The following NRDC variants were observed in gnomAD, a reference collection of about 807,000 sequenced individuals.
NRDC encodes the protein nardilysin convertase.
A neutral mutation model predicts 147.1 loss-of-function variants in NRDC; 54 were observed. The observed-to-expected ratio is 0.37, with a 90% CI of 0.29 to 0.46. The LOEUF (loss-of-function observed/expected upper bound fraction) is 0.46, where lower values mean the gene tolerates loss of function less well. NRDC is among the 20% of genes least tolerant of loss of function. The pLI is 1.00. For synonymous variants in NRDC, 440 were observed against 482.1 expected, an observed-to-expected ratio of 0.91 and a Z score of 1.14; for missense variants, 1,082 against 1,370.6, an observed-to-expected ratio of 0.79 and a Z score of 3.33.
At chr1:51,865,959 T>C (rs1029837494) in intron 1 of NRDC, among the ~76,000 whole-genome samples, 3 of 150,586 alleles carry the variant, frequency 2.0e-5, no homozygotes, top group African/African-American at 7.3e-5. Context: ...CTCAGGAGGC[T>C]GAGGCAGAAG....
chr1:51,868,672 G>C (rs1682937519), intron 1 of NRDC, among the ~76,000 whole-genome samples: 1 of 152,066 alleles, frequency 6.6e-6, no homozygotes. Context: ...CTAGGATCCA[G>C]GAATTCGAGA....
Position 51,805,580 on chromosome 1 carries a change from T to A in NRDC, c.2111-19A>T, listed in dbSNP as rs757341934. 6.5e-7 allele frequency: 1 copy of A among 1,536,156 alleles called. No individual in the cohort carries two copies. The highest frequency in any genetic ancestry group is 8.8e-7 in the Non-Finnish European group (1 of 1,136,582). On this transcript the variant is annotated intron_variant, in intron 18 of 30. Transcript: ENST00000352171. ...ATATATGCTAAAAGAAAAAAGACCATAGATAAAAAAGGTTAGGGGCCTCAG... is the reference window on the plus strand; with the variant it reads ...ATATATGCTAAAAGAAAAAAGACCAAAGATAAAAAAGGTTAGGGGCCTCAG...
intron 18 of NRDC, among the ~76,000 whole-genome samples, chr1:51,805,825 T>C (rs967822805): frequency 6.6e-6 from 1 of 152,180 alleles, no homozygotes; most frequent in Admixed American, 6.5e-5. Context: ...CTCTTATTAA[T>C]AGCTTCAGTC....
Position 51,863,927 on chromosome 1 carries a change from A to G in NRDC, c.341+14348T>C, listed in dbSNP as rs186902627. Among the ~76,000 whole-genome samples the G allele has an allele frequency of 2.3e-3, 343 of 152,358 alleles. 1 individual carries two copies. The highest frequency in any genetic ancestry group is 8.1e-3 in the African/African-American group (336 of 41,576). ...TGTAAATTGAAAATGCATTTAACCTAACCTACTGAACATCAATAGCTTAAC... is the reference window on the plus strand; with the variant it reads ...TGTAAATTGAAAATGCATTTAACCTGACCTACTGAACATCAATAGCTTAAC... On this transcript the variant is annotated intron_variant, in intron 1 of 30. Coordinates refer to ENST00000352171, the MANE Select transcript of NRDC (RefSeq NM_001101662.2).
At chr1:51,866,789 A>C (rs1261269396) in intron 1 of NRDC, among the ~76,000 whole-genome samples, 16 of 152,150 alleles carry the variant, frequency 1.1e-4, no homozygotes, top group Non-Finnish European at 4.4e-5. Flanking sequence ...ACTGTTTAAA[A>C]AGTATGTTTA....
Position 51,790,889 on chromosome 1 carries a change from G to A in NRDC, c.3051+11C>T. 1 of 1,607,624 alleles carries A rather than the reference G, an allele frequency of 6.2e-7. No individual in the cohort carries two copies. The highest frequency in any genetic ancestry group is 2.2e-5 in the East Asian group (1 of 44,818). ...GGGCCAAAGGCCAAAAGACCAGGCT[G>A]GCACAGTCACCTGGGTGTTGAATGC... On this transcript the variant is annotated intron_variant, in intron 28 of 30. Transcript: ENST00000352171.
intron 4 of NRDC, among the ~76,000 whole-genome samples, chr1:51,831,736 A>G (rs1229754013): frequency 6.6e-6 from 1 of 151,228 alleles, no homozygotes; most frequent in Non-Finnish European, 1.5e-5. Context: ...GCGCCACCAC[A>G]CCCAGCTAAT....
chr1:51,805,467 T>C (rs922074852), intron 19 of NRDC, 43 bp downstream of exon 19: 23 of 1,404,112 alleles, frequency 1.6e-5, no homozygotes, highest in African/African-American at 2.9e-5. Flanking sequence ...AGTTTTTCAA[T>C]AACTAAAAAA....
Position 51,789,398 on chromosome 1 carries a change from A to T in NRDC, c.3294T>A (p.Asp1098Glu). Residue 1098 changes from aspartate to glutamate, a missense_variant, in exon 31 of 31, where the codon GAT becomes GAA. Asp to Glu is a conservative substitution (Grantham distance 45). Transcript: ENST00000352171. ...VGYGKYELEEDGTPSSEDSNS... is the reference protein window; with the variant it reads ...VGYGKYELEEEGTPSSEDSNS... Reference sequence around the variant, plus strand: ...TTGAATCCTCACTAGAAGGGGTACCATCCTCTTCCAGTTCATACTTCCCAT... The same window carrying T: ...TTGAATCCTCACTAGAAGGGGTACCTTCCTCTTCCAGTTCATACTTCCCAT... 1 of 1,614,168 alleles carries T rather than the reference A, an allele frequency of 6.2e-7. No individual in the cohort carries two copies. Among genetic ancestry groups the T allele is most frequent in the Non-Finnish European group, 8.5e-7 (1 of 1,179,996 alleles).
Position 51,810,387 on chromosome 1 carries a change from C to A in NRDC, c.1797G>T (p.Leu599Phe). Residue 599 changes from leucine to phenylalanine, a missense_variant, in exon 16 of 31, where the codon TTG becomes TTT. By Grantham distance (22) the Leu-to-Phe change is conservative (BLOSUM62 0). Transcript: ENST00000352171. Reference protein sequence around the residue: ...EYKPEVIGEALNQLVPQKANL... With the variant: ...EYKPEVIGEAFNQLVPQKANL... Reference sequence around the variant, plus strand: ...TTGCTTTTTGAGGAACTAGCTGATTCAAGGCTTCACCAATGACCTAGTAAA... The same window carrying A: ...TTGCTTTTTGAGGAACTAGCTGATTAAAGGCTTCACCAATGACCTAGTAAA... The A allele has an allele frequency of 6.2e-7, 1 of 1,612,040 alleles. No individual in the cohort carries two copies. The highest frequency in any genetic ancestry group is 1.1e-5 in the South Asian group (1 of 90,758).
At chr1:51,875,666 T>TC (rs1178467164) in intron 1 of NRDC, among the ~76,000 whole-genome samples, 1 of 152,162 alleles carries the variant, frequency 6.6e-6, no homozygotes, top group African/African-American at 2.4e-5. Flanking sequence ...TAAGGAATCT[T>TC]CCTACCTCAG....
At position 51,816,304 on chromosome 1, in the gene NRDC, A is replaced by G; in HGVS notation, c.1439+8T>C. 1 of 1,572,850 alleles carries G rather than the reference A, an allele frequency of 6.4e-7. No homozygotes were observed. Among genetic ancestry groups the G allele is most frequent in the Non-Finnish European group, 8.7e-7 (1 of 1,154,050 alleles). The stretch of plus-strand genomic sequence containing the variant: ...TATACTGAAAATACTTATTAATTGA[A>G]TACTTGCTTTTTCCTAAGGAAAGAA... On this transcript the variant is annotated splice_region_variant and intron_variant, in intron 11 of 30. Coordinates refer to ENST00000352171, the MANE Select transcript of NRDC (RefSeq NM_001101662.2).
chr1:51,792,097 A>G lies in NRDC; in HGVS notation c.2825T>C (p.Met942Thr). 1 of 1,613,860 alleles carries G rather than the reference A, an allele frequency of 6.2e-7. No individual in the cohort carries two copies. The highest frequency in any genetic ancestry group is 8.5e-7 in the Non-Finnish European group (1 of 1,180,000). ...REYTLMELLV[M>T]HMEEPCFDFL... ...GTCAAAACAAGGTTCTTCCATGTGC[A>G]TCTGTAATTCAACATACTGCCCATC... Residue 942 changes from methionine (M) to threonine (T), a missense_variant and splice_region_variant, in exon 26 of 31, where the codon ATG (methionine) becomes ACG (threonine). Coordinates refer to ENST00000352171, the MANE Select transcript of NRDC (RefSeq NM_001101662.2).
At chr1:51,819,397 A>C (rs1680115503) in intron 9 of NRDC, among the ~76,000 whole-genome samples, 4 of 152,214 alleles carry the variant, frequency 2.6e-5, no homozygotes, top group Admixed American at 2.6e-4. Flanking sequence ...ATTTTTATTT[A>C]GCAAATATTA....
chr1:51,832,187 CA>C (rs962406654), intron 4 of NRDC, among the ~76,000 whole-genome samples: 7 of 151,980 alleles, frequency 4.6e-5, no homozygotes, highest in African/African-American at 1.7e-4. Flanking sequence ...GCTGAAATTA[CA>C]CGCACATGCT....
chr1:51,876,307 G>A (rs2124158076), intron 1 of NRDC, among the ~76,000 whole-genome samples: 1 of 152,206 alleles, frequency 6.6e-6, no homozygotes, highest in African/African-American at 2.4e-5. Context: ...GGGACCAAAA[G>A]TATTTCAAAT....
intron 1 of NRDC, among the ~76,000 whole-genome samples, chr1:51,867,681 T>A (rs936746467): frequency 1.3e-5 from 2 of 152,276 alleles, no homozygotes; most frequent in Middle Eastern, 3.4e-3. Flanking sequence ...TGCTGATAGG[T>A]TGAGTAAGAT....
chr1:51,794,494 G>C lies in NRDC; in HGVS notation c.2753C>G (p.Ser918Cys). The change falls in exon 24 of 31, where the codon TCT becomes TGT. Residue 918 changes from serine to cysteine, a missense_variant. This residue lies in a region of NRDC where 635 missense variants were observed against 923.8 expected (regional missense o/e 0.69). Transcript: ENST00000352171. ...VKALNKGDAN[S>C]EVTVYYQSGT... ...GACCTGGTAGTACACAGTGACTTCA[G>C]AGTTGGCATCACCCTTGTTCAGAGC... 1.2e-6 allele frequency: 2 copies of C among 1,614,194 alleles called. No homozygotes were observed. The highest frequency in any genetic ancestry group is 8.5e-7 in the Non-Finnish European group (1 of 1,180,028).
rs72663147 is a variant in NRDC, at chr1:51,840,394, T to A, written c.462A>T (p.Glu154Asp). 5.4e-4 allele frequency: 185 copies of A among 342,836 alleles called. 1 individual carries two copies. The highest frequency in any genetic ancestry group is 6.9e-4 in the Non-Finnish European group (172 of 247,570). 21.2% of individuals were successfully genotyped at this position (342,836 alleles called of 1,614,324 possible). Residue 154 changes from glutamate to aspartate, a missense_variant, in exon 2 of 31, where the codon GAA becomes GAT. Glu to Asp is a conservative substitution (Grantham distance 45). This residue lies in a region of NRDC where 260 missense variants were observed against 253.2 expected (regional missense o/e 1.03). Coordinates refer to ENST00000352171, the MANE Select transcript of NRDC (RefSeq NM_001101662.2). ...EEEEEVEEEE[E>D]DDDEDSGAEI... Reference sequence around the variant, plus strand: ...CAGCTCCAGAATCTTCATCATCATCTTCTTCTTCTTCCTCCACCTCCTCTT... The same window carrying A: ...CAGCTCCAGAATCTTCATCATCATCATCTTCTTCTTCCTCCACCTCCTCTT...
Sources: gnomAD v4.1 joint callset for allele counts (sites outside exome capture counted in the v4.1 genomes callset) on GRCh38, gnomAD v4.1.1 for gene constraint, gnomAD v4.1.1 regional missense constraint, MANE v1.5 for transcripts, NCBI Gene and HGNC (gene_info 2026-07-23, HGNC 2026-07-21) for gene names.